MACROD2: variants seen among roughly 807,000 people sequenced by gnomAD.
MACROD2 encodes the protein mono-ADP ribosylhydrolase 2, also known as ADP-ribose glycohydrolase MACROD2.
A neutral mutation model predicts 70.4 loss-of-function variants in MACROD2; 36 were observed. The ratio of observed to expected loss-of-function variants is 0.51; its 90% CI spans 0.39 to 0.68. MACROD2 has a LOEUF of 0.68. Ranked by LOEUF, MACROD2 falls within the 30% of genes least tolerant of loss-of-function variation. The pLI, the probability that MACROD2 is intolerant of heterozygous loss-of-function variation, is 0.00. For missense variants in MACROD2, 496 were observed against 538.4 expected (o/e 0.92, Z 0.78); for synonymous variants, 172 against 178.8 (o/e 0.96, Z 0.30).
At chr20:14,053,169 T>C (rs1460068735) in intron 2 of MACROD2, 1 of 151,826 alleles carries the variant, frequency 6.6e-6, no homozygotes, top group Admixed American at 6.6e-5. Context: ...GAAAGACTCA[T>C]TGAAGACTCC....
At chr20:15,975,354 C>A (rs2066290793) in intron 13 of MACROD2, among the ~76,000 whole-genome samples, 1 of 151,962 alleles carries the variant, frequency 6.6e-6, no homozygotes, top group Non-Finnish European at 1.5e-5. Flanking sequence ...GTAGAATGTT[C>A]ATACTTTGAT....
chr20:14,622,338 C>G (rs753848063), intron 4 of MACROD2, among the ~76,000 whole-genome samples: 30 of 151,960 alleles, frequency 2.0e-4, no homozygotes, highest in Non-Finnish European at 3.7e-4. Flanking sequence ...TGGTCATTTG[C>G]TTTTCTATGA....
At chr20:14,130,086 A>G (rs2054698712) in intron 3 of MACROD2, among the ~76,000 whole-genome samples, 1 of 152,224 alleles carries the variant, frequency 6.6e-6, no homozygotes, top group Non-Finnish European at 1.5e-5. Context: ...TGTGTCTACA[A>G]GAATCTTACC....
At chr20:14,616,292 T>A (rs1361492319) in intron 4 of MACROD2, among the ~76,000 whole-genome samples, 5 of 152,126 alleles carry the variant, frequency 3.3e-5, no homozygotes, top group Non-Finnish European at 7.4e-5. Context: ...CATCAGTGTT[T>A]TCACTTTCTA....
intron 7 of MACROD2, among the ~76,000 whole-genome samples, chr20:15,463,018 C>A (rs887703981): frequency 6.6e-6 from 1 of 152,176 alleles, no homozygotes; most frequent in African/African-American, 2.4e-5. Flanking sequence ...CTAATGTATA[C>A]ATTTGTAAAG....
At chr20:15,893,006 C>T (rs1485539587) in intron 10 of MACROD2, 6 of 398,984 alleles carry the variant, frequency 1.5e-5, no homozygotes, top group Non-Finnish European at 2.7e-5. Context: ...AAGACTCTAG[C>T]GAGGGTAAGT....
chr20:14,089,445 G>A (rs1204448596), intron 3 of MACROD2, among the ~76,000 whole-genome samples: 1 of 152,168 alleles, frequency 6.6e-6, no homozygotes, highest in African/African-American at 2.4e-5. Flanking sequence ...CCTCCTATTA[G>A]ACTTCTGAAG....
At chr20:14,173,124 TC>T (rs1416102026) in intron 3 of MACROD2, among the ~76,000 whole-genome samples, 2 of 152,214 alleles carry the variant, frequency 1.3e-5, no homozygotes, top group Non-Finnish European at 2.9e-5. Context: ...TAGGTGATGA[TC>T]TTTTTGCGAT....
chr20:15,830,295 T>A (rs898110535), intron 8 of MACROD2, among the ~76,000 whole-genome samples: 1 of 152,240 alleles, frequency 6.6e-6, no homozygotes, highest in African/African-American at 2.4e-5. Context: ...AAGGTGGGGC[T>A]GCTTTCATAG....
rs11908657 is a variant in MACROD2 at position 14,565,694 on chromosome 20, C to G, written c.301+72186C>G. Among the ~76,000 whole-genome samples, 1,163 of 151,980 alleles carry G rather than the reference C, an allele frequency of 7.7e-3. 16 individuals carry two copies. The highest frequency in any genetic ancestry group is 0.027 in the African/African-American group (1,127 of 41,478). ...AGTTCTTAAAAAATGTTGAAATTTT[C>G]TTCTACATAAAAAGTTAAACATTTT... On this transcript the variant is annotated intron_variant, in intron 4 of 17. Transcript: ENST00000684519.
At chr20:14,896,241 G>T (rs1336353167) in intron 5 of MACROD2, among the ~76,000 whole-genome samples, 1 of 152,098 alleles carries the variant, frequency 6.6e-6, no homozygotes, top group African/African-American at 2.4e-5. Flanking sequence ...GTTGCAGTGA[G>T]CAGAGATTGC....
At chr20:14,700,988 A>C (rs1329137023) in intron 5 of MACROD2, among the ~76,000 whole-genome samples, 2 of 152,104 alleles carry the variant, frequency 1.3e-5, no homozygotes, top group Non-Finnish European at 2.9e-5. Flanking sequence ...AGACCCCCGA[A>C]TTCATCTCTT....
At chr20:15,982,401 G>C (rs1408383931) in intron 13 of MACROD2, among the ~76,000 whole-genome samples, 1 of 152,150 alleles carries the variant, frequency 6.6e-6, no homozygotes, top group African/African-American at 2.4e-5. Flanking sequence ...AGTCTTTACT[G>C]TACAAGTCTA....
intron 4 of MACROD2, among the ~76,000 whole-genome samples, chr20:14,661,832 G>A (rs1986242925): frequency 6.6e-6 from 1 of 151,916 alleles, no homozygotes; most frequent in Non-Finnish European, 1.5e-5. Context: ...CTTCTTTTTG[G>A]TGTTGTAATA....
chr20:14,490,055 T>A (rs2084777749), intron 3 of MACROD2, among the ~76,000 whole-genome samples: 1 of 152,148 alleles, frequency 6.6e-6, no homozygotes. Context: ...CATAAATTAA[T>A]GTGTTATTGA....
Position 14,813,080 on chromosome 20 carries a change from G to C in MACROD2, c.418+128121G>C, listed in dbSNP as rs539501085. ...ATTTTAATTTTTGTTTTTTTTTACA[G>C]AGTTGATATGATTTACTAACAAGTA... On this transcript the variant is annotated intron_variant, in intron 5 of 17. Transcript: ENST00000684519. Among the ~76,000 whole-genome samples, 3 of 151,900 alleles carry C rather than the reference G, an allele frequency of 2.0e-5. No homozygotes were observed. In the South Asian group the frequency reaches 6.2e-4, roughly 32 times the overall value.
chr20:15,359,566 C>A (rs1019249754), intron 6 of MACROD2, among the ~76,000 whole-genome samples: 21 of 151,076 alleles, frequency 1.4e-4, no homozygotes, highest in African/African-American at 4.4e-4. Context: ...TTATTAATTT[C>A]TTTCCTGCTC....
rs537833546 is a variant in MACROD2 at position 14,223,947 on chromosome 20, G to C, written c.271+138219G>C. 3.9e-5 allele frequency among the ~76,000 whole-genome samples: 6 copies of C among 152,292 alleles called. No individual in the cohort carries two copies. The East Asian group carries it at 1.2e-3, about 29-fold the overall frequency. On this transcript the variant is annotated intron_variant, in intron 3 of 17. Coordinates refer to ENST00000684519, the MANE Select transcript of MACROD2 (RefSeq NM_001351661.2). ...AATCTTCAGGGTGGGCCAGCAGGCTGGAGACCTGAGAAAGAGTTGCAGTTT... is the reference window on the plus strand; with the variant it reads ...AATCTTCAGGGTGGGCCAGCAGGCTCGAGACCTGAGAAAGAGTTGCAGTTT...
chr20:15,393,728 C>G (rs2045823658), intron 6 of MACROD2, among the ~76,000 whole-genome samples: 1 of 152,174 alleles, frequency 6.6e-6, no homozygotes, highest in African/African-American at 2.4e-5. Flanking sequence ...AATTTCTTAG[C>G]TCAGAGTATA....
Sources: allele counts gnomAD v4.1 joint callset (sites outside exome capture counted in the v4.1 genomes callset), GRCh38; gene constraint gnomAD v4.1.1; transcripts MANE v1.5; gene names NCBI Gene and HGNC (gene_info 2026-07-23, HGNC 2026-07-21).